The following DRG1 variants were observed in gnomAD, a reference collection of about 807,000 sequenced individuals.
The protein encoded by DRG1 is developmentally regulated GTP binding protein 1, also known as developmentally-regulated GTP-binding protein 1.
DRG1 carries 19 observed loss-of-function variants against 38.8 expected under a neutral mutation model. The ratio of observed to expected loss-of-function variants is 0.49; its 90% confidence interval spans 0.34 to 0.72. DRG1 has a LOEUF of 0.72. Among genes scored for constraint, DRG1 ranks in the 30% least tolerant of loss-of-function variants. The pLI is 0.01. For missense variants in DRG1, 299 were observed against 444.8 expected, an observed-to-expected ratio of 0.67 and a Z score of 2.95; for synonymous variants, 167 against 157.5, an observed-to-expected ratio of 1.06 and a Z score of -0.45.
chr22:31,433,357 G>A (rs1313030686), intron 8 of DRG1, among the ~76,000 whole-genome samples: 1 of 144,932 alleles, frequency 6.9e-6, no homozygotes. Context: ...TGCAACCTCC[G>A]CCTCCCGGGT....
At chr22:31,426,125 G>A (rs916939367) in intron 6 of DRG1, among the ~76,000 whole-genome samples, 10 of 152,122 alleles carry the variant, frequency 6.6e-5, no homozygotes, top group African/African-American at 2.4e-4. Flanking sequence ...TGACTCAGAG[G>A]TTAAGTGACT....
chr22:31,402,909 C>G, intron 2 of DRG1, 120 bp from the exon 3 acceptor site: 1 of 1,137,272 alleles, frequency 8.8e-7, no homozygotes, highest in Non-Finnish European at 1.2e-6. Context: ...AAAGGTAAAC[C>G]ATAAAAAGTT....
chr22:31,430,380 A>G (rs2050132072), intron 8 of DRG1, among the ~76,000 whole-genome samples: 1 of 151,766 alleles, frequency 6.6e-6, no homozygotes, highest in African/African-American at 2.4e-5. Context: ...TTCTAGTTCA[A>G]TACTACAGGG....
intron 3 of DRG1, among the ~76,000 whole-genome samples, chr22:31,407,968 C>G (rs1601525925): frequency 1.4e-5 from 2 of 147,606 alleles, no homozygotes; most frequent in East Asian, 4.1e-4. Context: ...TAAAAATACA[C>G]AAAAAAAATT....
At chr22:31,432,084 G>T (rs778903228) in intron 8 of DRG1, among the ~76,000 whole-genome samples, 20 of 149,550 alleles carry the variant, frequency 1.3e-4, no homozygotes, top group Non-Finnish European at 2.7e-4. Context: ...TATCTTTTTG[G>T]TTTTTTTGAG....
At chr22:31,403,687 C>T (rs2049975107) in intron 3 of DRG1, among the ~76,000 whole-genome samples, 2 of 151,818 alleles carry the variant, frequency 1.3e-5, no homozygotes. Context: ...TTTCACCATG[C>T]TGGTCAGGCT....
intron 4 of DRG1, among the ~76,000 whole-genome samples, chr22:31,418,742 C>T (rs1441359717): frequency 2.0e-5 from 3 of 152,080 alleles, no homozygotes; most frequent in Non-Finnish European, 4.4e-5. Context: ...AGTGCAGTGG[C>T]GCAATCTCAG....
chr22:31,400,857 A>C, intron 2 of DRG1, 114 bp downstream of exon 2: 1 of 1,255,648 alleles, frequency 8.0e-7, no homozygotes, highest in African/African-American at 1.5e-5. Context: ...CAACGCCTGC[A>C]ATCCTAGCAT....
chr22:31,424,896 G>A (rs1379663206), intron 6 of DRG1, among the ~76,000 whole-genome samples: 4 of 139,562 alleles, frequency 2.9e-5, no homozygotes, highest in Admixed American at 1.6e-4. Flanking sequence ...TCTGCCTCCC[G>A]GGTTCAAGCA....
Position 31,423,270 on chromosome 22 carries a change from T to C in DRG1, c.583-10T>C. 6.2e-7 allele frequency: 1 copy of C among 1,613,730 alleles called. No homozygotes were observed. The highest frequency in any genetic ancestry group is 1.1e-5 in the South Asian group (1 of 91,048). On this transcript the variant is annotated splice_polypyrimidine_tract_variant and intron_variant, in intron 5 of 8. Coordinates refer to ENST00000331457, the MANE Select transcript of DRG1 (RefSeq NM_004147.4). ...TTTGTGCTGACTAGTCATCTGCTAT[T>C]CCCTTTCAGTGCCCCCAGAGTGAGC...
intron 8 of DRG1, 72 bp downstream of exon 8, chr22:31,427,254 G>A (rs1013705230): frequency 6.5e-7 from 1 of 1,547,340 alleles, no homozygotes; most frequent in African/African-American, 1.4e-5. Flanking sequence ...TAATTCTTAG[G>A]ATAGCATTTT....
chr22:31,433,740 A>C, intron 8 of DRG1, 132 bp from the exon 9 acceptor site: 2 of 657,446 alleles, frequency 3.0e-6, no homozygotes, highest in Non-Finnish European at 5.1e-6. Context: ...CTGCTAGGGA[A>C]GATAAAGCTT....
intron 3 of DRG1, among the ~76,000 whole-genome samples, chr22:31,409,302 C>T (rs1247803089): frequency 6.6e-6 from 1 of 151,980 alleles, no homozygotes; most frequent in Non-Finnish European, 1.5e-5. Context: ...CTAGGATGGT[C>T]TCGAACTCCT....
intron 4 of DRG1, among the ~76,000 whole-genome samples, chr22:31,411,521 CTG>C (rs1006705373): frequency 6.9e-6 from 1 of 145,684 alleles, no homozygotes; most frequent in Non-Finnish European, 1.5e-5. Context: ...TTAAATTTTT[CTG>C]TCTTTTCTTT....
chr22:31,427,063 C>T lies in DRG1; in HGVS notation c.885C>T (p.Tyr295=). ...CTTTATGCCCTCTCTATTCTAGTTA[C>T]ACCAAACCCAAAGGCCAGTTACCAG... is the stretch of plus-strand genomic sequence containing the variant. ...IWDYLKLVRI[Y]TKPKGQLPDY... Residue 295 remains tyrosine (Y), a synonymous_variant, in exon 8 of 9, where the codon TAC becomes TAT. Transcript: ENST00000331457. 1 of 1,613,968 alleles carries T rather than the reference C, an allele frequency of 6.2e-7. No individual in the cohort carries two copies. The highest frequency in any genetic ancestry group is 8.5e-7 in the Non-Finnish European group (1 of 1,179,884).
intron 8 of DRG1, among the ~76,000 whole-genome samples, chr22:31,432,415 T>G (rs112308761): frequency 8.1e-4 from 122 of 151,160 alleles, no homozygotes; most frequent in African/African-American, 2.6e-3. Flanking sequence ...TTTGTGTTTT[T>G]TGTGTGTGTG....
At chr22:31,428,213 G>GT (rs2050121163) in intron 8 of DRG1, among the ~76,000 whole-genome samples, 1 of 147,816 alleles carries the variant, frequency 6.8e-6, no homozygotes, top group Non-Finnish European at 1.5e-5. Flanking sequence ...ACAGCACAAA[G>GT]TTTCTTTTTT....
intron 3 of DRG1, among the ~76,000 whole-genome samples, chr22:31,405,987 C>T (rs915681697): frequency 3.3e-5 from 5 of 151,280 alleles, no homozygotes; most frequent in Admixed American, 1.3e-4. Context: ...CATGCCTGGC[C>T]GTTTCTTTTT....
intron 8 of DRG1, among the ~76,000 whole-genome samples, chr22:31,428,531 C>T (rs867344457): frequency 1.3e-5 from 2 of 152,212 alleles, no homozygotes; most frequent in South Asian, 2.1e-4. Context: ...CCTTTTATCT[C>T]TCACCCCACT....
Sources: gnomAD v4.1 joint callset for allele counts (sites outside exome capture counted in the v4.1 genomes callset) on GRCh38, gnomAD v4.1.1 for gene constraint, MANE v1.5 for transcripts, NCBI Gene and HGNC (gene_info 2026-07-23, HGNC 2026-07-21) for gene names.